The following PDE10A variants were observed in gnomAD, a reference collection of about 807,000 sequenced individuals.
The protein encoded by PDE10A is phosphodiesterase 10A, also known as cAMP and cAMP-inhibited cGMP 3',5'-cyclic phosphodiesterase 10A.
A neutral mutation model predicts 97.7 loss-of-function variants in PDE10A; 39 were observed. The observed-to-expected ratio is 0.40, with a 90% CI of 0.31 to 0.52. The LOEUF (loss-of-function observed/expected upper bound fraction) is 0.52, where lower values mean the gene tolerates loss of function less well. Ranked by LOEUF, PDE10A falls within the 20% of genes least tolerant of loss-of-function variation. The probability of loss-of-function intolerance (pLI) is 0.56; values close to 1 mark genes in which losing one functional copy is unlikely to be tolerated. For synonymous variants in PDE10A, 371 were observed against 376.8 expected (o/e 0.98, Z 0.18); for missense variants, 731 against 1,047.8 (o/e 0.70, Z 4.17).
chr6:165,595,527 T>A (rs543957083), intron 1 of PDE10A, among the ~76,000 whole-genome samples: 1 of 152,238 alleles, frequency 6.6e-6, no homozygotes, highest in African/African-American at 2.4e-5. Context: ...GGGCCTCAAA[T>A]GAAAATCAGT....
At chr6:165,846,835 C>T (rs988650502) in intron 1 of PDE10A, among the ~76,000 whole-genome samples, 1 of 152,184 alleles carries the variant, frequency 6.6e-6, no homozygotes, top group Non-Finnish European at 1.5e-5. Context: ...AAATCCCGGA[C>T]GCCTGAAAAA....
chr6:165,925,132 C>T (rs1418128550), intron 1 of PDE10A, among the ~76,000 whole-genome samples: 1 of 152,162 alleles, frequency 6.6e-6, no homozygotes, highest in East Asian at 1.9e-4. Context: ...GACAAATAAG[C>T]ACATGAGAAG....
chr6:165,450,852 T>G (rs1322081264), intron 3 of PDE10A, among the ~76,000 whole-genome samples: 1 of 152,200 alleles, frequency 6.6e-6, no homozygotes, highest in Non-Finnish European at 1.5e-5. Context: ...CATGAGCCAC[T>G]GCACCCGGCC....
At chr6:165,457,990 G>A (rs1778061974) in intron 3 of PDE10A, among the ~76,000 whole-genome samples, 2 of 151,972 alleles carry the variant, frequency 1.3e-5, no homozygotes, top group African/African-American at 4.8e-5. Context: ...ATATCCAGAA[G>A]GCCAACAATA....
chr6:165,944,889 T>C (rs1424737948), intron 1 of PDE10A, among the ~76,000 whole-genome samples: 1 of 152,236 alleles, frequency 6.6e-6, no homozygotes, highest in African/African-American at 2.4e-5. Context: ...AAAGTCTATG[T>C]GAAGTGAAAA....
At chr6:165,944,023 G>A (rs1783675822) in intron 1 of PDE10A, among the ~76,000 whole-genome samples, 1 of 152,232 alleles carries the variant, frequency 6.6e-6, no homozygotes, top group Non-Finnish European at 1.5e-5. Flanking sequence ...TTGACTCACA[G>A]TTCTGCATGG....
intron 2 of PDE10A, among the ~76,000 whole-genome samples, chr6:165,517,658 G>A (rs559496783): frequency 2.0e-5 from 3 of 152,196 alleles, no homozygotes; most frequent in South Asian, 2.1e-4. Context: ...TCATTCACAC[G>A]ACATTTGGGA....
chr6:165,678,258 G>A (rs372698480), intron 1 of PDE10A, among the ~76,000 whole-genome samples: 6 of 5,612 alleles, frequency 1.1e-3, no homozygotes, highest in South Asian at 5.5e-3. Context: ...AATGTGTATC[G>A]GTGTGTCTGT....
intron 2 of PDE10A, among the ~76,000 whole-genome samples, chr6:165,504,430 T>C (rs1781075883): frequency 6.6e-6 from 1 of 152,192 alleles, no homozygotes; most frequent in Non-Finnish European, 1.5e-5. Context: ...ATATTCTTCA[T>C]CTCCAGTATG....
chr6:165,634,469 A>G (rs1456855760), intron 1 of PDE10A, among the ~76,000 whole-genome samples: 1 of 152,240 alleles, frequency 6.6e-6, no homozygotes, highest in Admixed American at 6.5e-5. Flanking sequence ...GATACCAAAT[A>G]AATGAAGATT....
chr6:165,396,548 A>G, intron 13 of PDE10A, 89 bp from the exon 14 acceptor site: 1 of 1,302,708 alleles, frequency 7.7e-7, no homozygotes, highest in African/African-American at 1.5e-5. Flanking sequence ...GGTATTAAAG[A>G]ATCAGAACTA....
chr6:165,587,663 ATT>A (rs11352485), intron 1 of PDE10A, among the ~76,000 whole-genome samples: 1 of 151,734 alleles, frequency 6.6e-6, no homozygotes, highest in Non-Finnish European at 1.5e-5. Flanking sequence ...TCAGATATGA[ATT>A]TTTTTTTCCT....
chr6:165,369,797 T>C (rs954907195), intron 18 of PDE10A, among the ~76,000 whole-genome samples: 78 of 147,970 alleles, frequency 5.3e-4, no homozygotes, highest in African/African-American at 1.8e-3. Context: ...AAAGTTGAAA[T>C]GAAGGAAAAA....
chr6:165,618,299 G>A (rs1454965936), intron 1 of PDE10A, among the ~76,000 whole-genome samples: 4 of 152,030 alleles, frequency 2.6e-5, no homozygotes, highest in Non-Finnish European at 4.4e-5. Flanking sequence ...GGCTACAAGG[G>A]TAATAAAGAA....
chr6:165,664,615 G>T (rs1790449724), upstream of PDE10A, among the ~76,000 whole-genome samples: 1 of 152,024 alleles, frequency 6.6e-6, no homozygotes, highest in African/African-American at 2.4e-5. Context: ...TTTCGGCAAA[G>T]AAAAAAACTG....
intron 1 of PDE10A, among the ~76,000 whole-genome samples, chr6:165,676,933 C>T (rs1790814882): frequency 6.6e-6 from 1 of 152,272 alleles, no homozygotes; most frequent in Non-Finnish European, 1.5e-5. Flanking sequence ...GCTCCTCCAG[C>T]AGGACGGGTC....
chr6:165,707,606 GT>G, intron 1 of PDE10A, among the ~76,000 whole-genome samples: 1 of 151,986 alleles, frequency 6.6e-6, no homozygotes, highest in Admixed American at 6.5e-5. Context: ...GTGTGACAGT[GT>G]GTGTGCATGT....
At chr6:165,577,384 C>T (rs1031485659) in intron 1 of PDE10A, among the ~76,000 whole-genome samples, 4 of 152,184 alleles carry the variant, frequency 2.6e-5, no homozygotes, top group Non-Finnish European at 5.9e-5. Context: ...GCCCGGCTGG[C>T]ATTCCAAGAC....
chr6:165,507,744 C>T (rs1311855282), intron 2 of PDE10A, among the ~76,000 whole-genome samples: 1 of 152,036 alleles, frequency 6.6e-6, no homozygotes, highest in Non-Finnish European at 1.5e-5. Context: ...TACTGATGGG[C>T]CCTATTGTTT....
Sources: allele counts gnomAD v4.1 joint callset (sites outside exome capture counted in the v4.1 genomes callset), GRCh38; gene constraint gnomAD v4.1.1; transcripts MANE v1.5; gene names NCBI Gene and HGNC (gene_info 2026-07-23, HGNC 2026-07-21).